The following UBE2E2 variants were observed in gnomAD, a reference collection of about 807,000 sequenced individuals.
UBE2E2 encodes ubiquitin-conjugating enzyme E2 E2.
UBE2E2 carries 6 observed loss-of-function variants against 24.7 expected under a neutral mutation model. The observed-to-expected ratio is 0.24, with a 90% confidence interval of 0.13 to 0.48. The LOEUF (loss-of-function observed/expected upper bound fraction) is 0.48. UBE2E2 is among the 20% of genes least tolerant of loss of function. The probability of loss-of-function intolerance (pLI) is 0.99; values close to 1 mark genes in which losing one functional copy is unlikely to be tolerated. For missense variants in UBE2E2, 169 were observed against 245.0 expected (o/e 0.69, Z 2.07); for synonymous variants, 104 against 83.6 (o/e 1.24, Z -1.33).
At chr3:23,588,195 A>G (rs770444003) in intron 5 of UBE2E2, among the ~76,000 whole-genome samples, 5 of 152,060 alleles carry the variant, frequency 3.3e-5, no homozygotes, top group Non-Finnish European at 7.4e-5. Context: ...CCTACCAAAC[A>G]TTAGCTTTTG....
intron 3 of UBE2E2, among the ~76,000 whole-genome samples, chr3:23,301,660 T>TACCCGG (rs2125263722): frequency 6.6e-6 from 1 of 152,194 alleles, no homozygotes; most frequent in Admixed American, 6.5e-5. Context: ...CTCAGAGGAG[T>TACCCGG]ACCCGGCCGT....
chr3:23,433,170 C>A (rs1267978075), intron 3 of UBE2E2, among the ~76,000 whole-genome samples: 1 of 151,876 alleles, frequency 6.6e-6, no homozygotes, highest in Non-Finnish European at 1.5e-5. Context: ...GGCACTGTTT[C>A]AGGCACCTAG....
chr3:23,233,838 A>G (rs1214733019), intron 3 of UBE2E2, among the ~76,000 whole-genome samples: 1 of 152,230 alleles, frequency 6.6e-6, no homozygotes, highest in Non-Finnish European at 1.5e-5. Context: ...AAAAAACTAC[A>G]TATTCATGGG....
rs1575706278 is a variant in UBE2E2, at chr3:23,558,809, C to G, written c.508+26108C>G. On this transcript the variant is annotated intron_variant, in intron 5 of 5. Coordinates refer to ENST00000396703, the MANE Select transcript of UBE2E2 (RefSeq NM_152653.4). Reference sequence around the variant, plus strand: ...GGCACAGTGGCATATGCCTGTATTCCCAGCTACTTGGGAGCTGAGGCAAGA... The same window carrying G: ...GGCACAGTGGCATATGCCTGTATTCGCAGCTACTTGGGAGCTGAGGCAAGA... 2.0e-5 allele frequency among the ~76,000 whole-genome samples: 3 copies of G among 152,236 alleles called. No homozygotes were observed. The East Asian group carries it at 5.8e-4, about 29-fold the overall frequency.
At chr3:23,290,179 G>A (rs2125246303) in intron 3 of UBE2E2, among the ~76,000 whole-genome samples, 2 of 152,344 alleles carry the variant, frequency 1.3e-5, no homozygotes, top group Admixed American at 1.3e-4. Flanking sequence ...ACCCTGCTAA[G>A]CAGTTAGATT....
intron 5 of UBE2E2, among the ~76,000 whole-genome samples, chr3:23,588,156 C>T (rs1293412450): frequency 2.0e-5 from 3 of 152,124 alleles, no homozygotes; most frequent in Non-Finnish European, 2.9e-5. Context: ...GGGCCACAGA[C>T]GTAGTTCCAT....
rs987181027 is a variant in UBE2E2, at chr3:23,204,654, A to G, written c.-9+1190A>G. On this transcript the variant is annotated intron_variant, in intron 1 of 5. Transcript: ENST00000396703. ...TGACGCTGAAATAGAGTGTTTTCAT[A>G]TAATGCCATACCCCATTCTCTTTCC... 7 of 977,598 alleles carry G rather than the reference A, an allele frequency of 7.2e-6. No homozygotes were observed. The African/African-American group carries it at 8.8e-5, about 12-fold the overall frequency. 60.6% of individuals were successfully genotyped at this position (977,598 alleles called of 1,614,324 possible).
chr3:23,554,279 T>C (rs1246227317), intron 5 of UBE2E2, among the ~76,000 whole-genome samples: 2 of 152,044 alleles, frequency 1.3e-5, no homozygotes, highest in Admixed American at 1.3e-4. Flanking sequence ...TCAAAAAGGG[T>C]ACCAAGAAGA....
In UBE2E2 at chr3:23,500,577, C is replaced by A. The variant is rs143975299; in HGVS notation, c.360+837C>A. On this transcript the variant is annotated intron_variant, in intron 4 of 5. Coordinates refer to ENST00000396703, the MANE Select transcript of UBE2E2 (RefSeq NM_152653.4). ...CTACCAAGAAAGAATTCTCGTCTGGCCCTGACTTAACGTCACAATGCACAG... is the reference window on the plus strand; with the variant it reads ...CTACCAAGAAAGAATTCTCGTCTGGACCTGACTTAACGTCACAATGCACAG... 5.2e-3 allele frequency among the ~76,000 whole-genome samples: 786 copies of A among 152,266 alleles called. 6 individuals carry two copies. Among genetic ancestry groups the A allele is most frequent in the African/African-American group, 0.018 (741 of 41,546 alleles).
At chr3:23,264,921 G>C (rs1303530577) in intron 3 of UBE2E2, among the ~76,000 whole-genome samples, 2 of 152,180 alleles carry the variant, frequency 1.3e-5, no homozygotes, top group Admixed American at 6.5e-5. Flanking sequence ...ATGCAGCATA[G>C]AGATGCCAAG....
At chr3:23,367,326 A>C (rs1696284481) in intron 3 of UBE2E2, among the ~76,000 whole-genome samples, 1 of 152,140 alleles carries the variant, frequency 6.6e-6, no homozygotes, top group African/African-American at 2.4e-5. Context: ...GGCAGCATCT[A>C]GGTAGCTTCA....
chr3:23,217,398 G>C (rs577702204), intron 3 of UBE2E2, 86 bp downstream of exon 3: 1 of 1,213,430 alleles, frequency 8.2e-7, no homozygotes, highest in South Asian at 1.3e-5. Flanking sequence ...TGTTGTTGTA[G>C]TCTGATTAAT....
chr3:23,258,900 G>GAAAAAA (rs11333992), intron 3 of UBE2E2, among the ~76,000 whole-genome samples: 5 of 78,904 alleles, frequency 6.3e-5, no homozygotes, highest in Non-Finnish European at 9.6e-5. Flanking sequence ...CTCAAAAAAA[G>GAAAAAA]AAAAAAAAAA....
intron 3 of UBE2E2, among the ~76,000 whole-genome samples, chr3:23,487,128 G>C (rs1699390072): frequency 6.6e-6 from 1 of 152,254 alleles, no homozygotes; most frequent in African/African-American, 2.4e-5. Context: ...AGGCGGCCAA[G>C]GTGGTGGGGG....
intron 3 of UBE2E2, among the ~76,000 whole-genome samples, chr3:23,291,749 C>A (rs1427441648): frequency 1.5e-5 from 2 of 129,666 alleles, no homozygotes; most frequent in Admixed American, 8.9e-5. Flanking sequence ...GTGGCACGAT[C>A]TTGGCTCACT....
chr3:23,380,617 T>G (rs1696645961), intron 3 of UBE2E2, among the ~76,000 whole-genome samples: 1 of 152,208 alleles, frequency 6.6e-6, no homozygotes, highest in Admixed American at 6.5e-5. Flanking sequence ...TCCTGGGAAT[T>G]GATTTCCCTG....
chr3:23,283,700 CCATG>C (rs764190357), intron 3 of UBE2E2, among the ~76,000 whole-genome samples: 116 of 152,246 alleles, frequency 7.6e-4, no homozygotes, highest in Non-Finnish European at 1.5e-3. Flanking sequence ...ATGCAGTGAG[CCATG>C]ATCACAGCAC....
chr3:23,493,355 C>G (rs1362541758), intron 3 of UBE2E2, among the ~76,000 whole-genome samples: 1 of 152,192 alleles, frequency 6.6e-6, no homozygotes, highest in Non-Finnish European at 1.5e-5. Context: ...GGCTCATCCA[C>G]TGTAGGCTGC....
intron 3 of UBE2E2, among the ~76,000 whole-genome samples, chr3:23,358,038 T>C (rs1696011742): frequency 6.6e-6 from 1 of 152,192 alleles, no homozygotes. Context: ...ATTTCACCAT[T>C]TTGCCTGGGC....
Sources: gnomAD v4.1 joint callset for allele counts (sites outside exome capture counted in the v4.1 genomes callset) on GRCh38, gnomAD v4.1.1 for gene constraint, MANE v1.5 for transcripts, NCBI Gene and HGNC (gene_info 2026-07-23, HGNC 2026-07-21) for gene names.